The following CSF2RA variants were observed in gnomAD, a reference collection of about 807,000 sequenced individuals.
CSF2RA encodes colony stimulating factor 2 receptor subunit alpha.
A neutral mutation model predicts 51.6 loss-of-function variants in CSF2RA; 42 were observed. That is an observed-to-expected ratio of 0.81 (90% CI 0.64 to 1.05). The LOEUF (loss-of-function observed/expected upper bound fraction) is 1.05, where lower values mean the gene tolerates loss of function less well. Ranked by LOEUF, CSF2RA falls within the 50% of genes least tolerant of loss-of-function variation. CSF2RA has a pLI of 0.00. For synonymous variants in CSF2RA, 222 were observed against 193.0 expected (o/e 1.15, Z -1.24); for missense variants, 530 against 501.1 (o/e 1.06, Z -0.55).
chrX:1,275,614 A>G lies in CSF2RA; in HGVS notation c.-27+796A>G, dbSNP rs1291003975. Reference sequence around the variant, plus strand: ...TGCTCAGTCTGTTAGGCTGGAGTGCAGTGGCGCGATCTCGGCTCACTGCAA... The same window carrying G: ...TGCTCAGTCTGTTAGGCTGGAGTGCGGTGGCGCGATCTCGGCTCACTGCAA... On this transcript the variant is annotated intron_variant, in intron 2 of 12. Transcript: ENST00000381529. Among the ~76,000 whole-genome samples, 4 of 151,818 alleles carry G rather than the reference A, an allele frequency of 2.6e-5. No homozygotes were observed. In the Admixed American group the frequency reaches 2.6e-4, roughly 10 times the overall value.
intron 3 of CSF2RA, among the ~76,000 whole-genome samples, chrX:1,284,660 A>ATTTTTTTTTT (rs61159606): frequency 8.2e-5 from 2 of 24,466 alleles, no homozygotes; most frequent in Non-Finnish European, 1.4e-4. Context: ...CTAGTTTTTG[A>ATTTTTTTTTT]TTTTTTTTTT....
At chrX:1,290,255 GTGTT>G (rs1379698138) in intron 6 of CSF2RA, 78 bp from the exon 7 acceptor site, 3 of 1,137,602 alleles carry the variant, frequency 2.6e-6, no homozygotes, top group Non-Finnish European at 3.9e-6. Context: ...GTTTTGTTTT[GTGTT>G]TGTTTTTGTT....
Position 1,300,142 on chromosome X carries a change from C to T in CSF2RA, c.811-349C>T, listed in dbSNP as rs1779838839. The T allele has an allele frequency of 2.2e-5, 5 of 227,594 alleles. No individual in the cohort carries two copies. In the South Asian group the frequency reaches 3.0e-4, roughly 14 times the overall value. The allele number at this position is 227,594 out of a possible 1,614,324, so 14.1% of individuals were successfully genotyped here. The stretch of plus-strand genomic sequence containing the variant: ...GCTGAGGCAGGAGAATGGTGTGAAC[C>T]CTGGAGGTGGAGGTTGTAGTGAGCC... On this transcript the variant is annotated intron_variant, in intron 9 of 12. Transcript: ENST00000381529.
chrX:1,323,288 C>T, the CSF2RA span, among the ~76,000 whole-genome samples: 6 of 148,604 alleles, frequency 4.0e-5, no homozygotes, highest in Non-Finnish European at 4.5e-5. Context: ...CCGAGGCGGG[C>T]GGATCACCTG....
Position 1,290,508 on chromosome X carries a change from A to G in CSF2RA, c.645A>G (p.Ile215Met). The change falls in exon 7 of 13, where the codon ATA (isoleucine) becomes ATG (methionine). Residue 215 changes from isoleucine (I) to methionine (M), a missense_variant and splice_region_variant. Physicochemically the swap from Ile to Met is conservative, Grantham distance 10. Coordinates refer to ENST00000381529, the MANE Select transcript of CSF2RA (RefSeq NM_172245.4). ...FFDSLLDTKKIERFNPPSNVT... is the reference protein window; with the variant it reads ...FFDSLLDTKKMERFNPPSNVT... Reference sequence around the variant, plus strand: ...ATTCACTTTTGGACACAAAGAAAATAGGTGAGAATAACACATATGATTTTC... The same window carrying G: ...ATTCACTTTTGGACACAAAGAAAATGGGTGAGAATAACACATATGATTTTC... The G allele has an allele frequency of 1.2e-6, 2 of 1,613,520 alleles. No homozygotes were observed. The highest frequency in any genetic ancestry group is 1.1e-5 in the South Asian group (1 of 91,064).
chrX:1,300,754 C>T, intron 10 of CSF2RA, 128 bp downstream of exon 10: 1 of 1,218,800 alleles, frequency 8.2e-7, no homozygotes. Context: ...TAGTGTCAGG[C>T]TCTGAGCTTA....
the CSF2RA span, among the ~76,000 whole-genome samples, chrX:1,324,894 G>C: frequency 2.0e-5 from 3 of 152,190 alleles, no homozygotes; most frequent in African/African-American, 7.2e-5. Flanking sequence ...CTCCTTGTCA[G>C]AGCCCTGTGT....
At chrX:1,322,746 G>A in the CSF2RA span, among the ~76,000 whole-genome samples, 2 of 151,886 alleles carry the variant, frequency 1.3e-5, no homozygotes, top group Non-Finnish European at 2.9e-5. Context: ...GTAGTGCGTT[G>A]AACAGTGACC....
At chrX:1,291,239 C>G (rs1241721937) in intron 7 of CSF2RA, among the ~76,000 whole-genome samples, 1 of 146,114 alleles carries the variant, frequency 6.8e-6, no homozygotes, top group African/African-American at 2.4e-5. Context: ...TTACCTCCTT[C>G]CTTCTTTCCT....
intron 7 of CSF2RA, 92 bp from the exon 8 acceptor site, chrX:1,294,236 T>C: frequency 6.6e-7 from 1 of 1,504,034 alleles, no homozygotes; most frequent in Non-Finnish European, 9.2e-7. Context: ...GGACCCAGTG[T>C]AGACAGGAGG....
chrX:1,289,246 G>C (rs1411335426), intron 6 of CSF2RA: 2 of 341,734 alleles, frequency 5.9e-6, no homozygotes, highest in Non-Finnish European at 1.1e-5. Context: ...TCCTGCCTCA[G>C]CCTCCCAAGT....
the CSF2RA span, among the ~76,000 whole-genome samples, chrX:1,317,812 T>C: frequency 6.6e-6 from 1 of 151,582 alleles, no homozygotes; most frequent in Admixed American, 6.6e-5. Context: ...GGAATTCTAT[T>C]GAGGGAAAGT....
At chrX:1,275,088 C>CAA (rs59502193) in intron 2 of CSF2RA, among the ~76,000 whole-genome samples, 7,126 of 118,296 alleles carry the variant, frequency 0.06, 263 homozygotes, top group Admixed American at 0.12. Flanking sequence ...ATGAACCTGT[C>CAA]AAAAAAAAAA....
downstream of CSF2RA, among the ~76,000 whole-genome samples, chrX:1,311,526 C>G (rs1444114155): frequency 2.0e-5 from 3 of 151,916 alleles, no homozygotes; most frequent in East Asian, 3.9e-4. Context: ...CTCCATCTCC[C>G]CAGTTCAAGC....
intron 6 of CSF2RA, among the ~76,000 whole-genome samples, chrX:1,289,783 CATTTT>C (rs2091174706): frequency 2.9e-5 from 2 of 69,164 alleles, no homozygotes; most frequent in African/African-American, 1.2e-4. Flanking sequence ...GTTTTTGTTT[CATTTT>C]GTTTTGTTTT....
At chrX:1,307,831 T>A (rs866439499) in intron 12 of CSF2RA, among the ~76,000 whole-genome samples, 1 of 4,346 alleles carries the variant, frequency 2.3e-4, no homozygotes, top group East Asian at 0.015. Flanking sequence ...CCTACCCTTC[T>A]CCCTTTAGAC....
chrX:1,322,436 T>TTTG, the CSF2RA span, among the ~76,000 whole-genome samples: 1 of 83,866 alleles, frequency 1.2e-5, no homozygotes. Context: ...ACTGTGTGTG[T>TTTG]TTGTTTTTTT....
Position 1,272,233 on chromosome X carries a change from C to T in CSF2RA, c.-90-2522C>T, listed in dbSNP as rs572620206. Among the ~76,000 whole-genome samples, 12 of 151,924 alleles carry T rather than the reference C, an allele frequency of 7.9e-5. No individual in the cohort carries two copies. The South Asian group carries it at 2.1e-3, about 26-fold the overall frequency. ...CCTCCCAGTGTGCTAGGATTACAGG[C>T]GTGAACCACTGTACCCAGCCAGATT... On this transcript the variant is annotated intron_variant, in intron 1 of 12. Transcript: ENST00000381529.
chrX:1,289,670 T>C lies in CSF2RA; in HGVS notation c.474-667T>C, dbSNP rs764537924. ...TGTTTTTGTTTTGTTTTGTGGTTTT[T>C]GTTTTGTGTTGTGTTTGTTTTTGTT... is the stretch of plus-strand genomic sequence containing the variant. On this transcript the variant is annotated intron_variant, in intron 6 of 12. Transcript: ENST00000381529. 2.7e-5 allele frequency among the ~76,000 whole-genome samples: 4 copies of C among 150,548 alleles called. No homozygotes were observed. In the South Asian group the frequency reaches 8.5e-4, roughly 32 times the overall value.
Sources: gnomAD v4.1 joint callset for allele counts (sites outside exome capture counted in the v4.1 genomes callset) on GRCh38, gnomAD v4.1.1 for gene constraint, MANE v1.5 for transcripts, NCBI Gene and HGNC (gene_info 2026-07-23, HGNC 2026-07-21) for gene names.